AK3: variants seen among roughly 807,000 people sequenced by gnomAD.
The protein encoded by AK3 is GTP:AMP phosphotransferase AK3, mitochondrial.
Under a neutral mutation model 23.7 loss-of-function variants are expected in AK3, and 27 were observed. The observed-to-expected ratio is 1.14, with a 90% CI of 0.84 to 1.57. AK3 has a LOEUF of 1.57. Ranked by LOEUF, AK3 falls within the 40% of genes most tolerant of loss-of-function variation. The probability of loss-of-function intolerance (pLI) is 0.00; values close to 1 mark genes in which losing one functional copy is unlikely to be tolerated. For missense variants in AK3, 406 were observed against 285.6 expected, an observed-to-expected ratio of 1.42 and a Z score of -3.04; for synonymous variants, 159 against 116.0, an observed-to-expected ratio of 1.37 and a Z score of -2.38.
chr9:4,738,622 G>A (rs987170530), intron 1 of AK3, among the ~76,000 whole-genome samples: 3 of 147,416 alleles, frequency 2.0e-5, no homozygotes, highest in Non-Finnish European at 4.5e-5. Context: ...GAAAAAAAAA[G>A]AATAAAAGAA....
intron 4 of AK3, 117 bp from the exon 5 acceptor site, chr9:4,713,213 G>T (rs296827): frequency 0.1 from 139,529 of 1,343,408 alleles, 7,791 homozygotes; most frequent in African/African-American, 0.2. Context: ...GGTAAGTATA[G>T]ATTTGTGTAA....
chr9:4,740,852 A>T (rs1234193642), intron 1 of AK3, 85 bp downstream of exon 1: 4 of 1,337,196 alleles, frequency 3.0e-6, no homozygotes, highest in Non-Finnish European at 3.9e-6. Flanking sequence ...GCAGCCAGGG[A>T]CCCGCGTGCC....
intron 1 of AK3, among the ~76,000 whole-genome samples, chr9:4,730,490 C>T (rs1342150931): frequency 2.0e-5 from 3 of 152,136 alleles, no homozygotes; most frequent in Non-Finnish European, 4.4e-5. Flanking sequence ...GTGGTCCCAG[C>T]TATTCAGGAA....
intron 4 of AK3, 24 bp from the exon 5 acceptor site, chr9:4,713,120 C>G: frequency 6.2e-7 from 1 of 1,611,682 alleles, no homozygotes; most frequent in South Asian, 1.1e-5. Context: ...AAAAACAAAA[C>G]AAACACACAC....
intron 1 of AK3, among the ~76,000 whole-genome samples, chr9:4,739,233 C>T (rs1259178769): frequency 6.6e-6 from 1 of 151,876 alleles, no homozygotes; most frequent in Admixed American, 6.6e-5. Flanking sequence ...GGGTCTTGCT[C>T]AGGCTGGAGT....
intron 1 of AK3, among the ~76,000 whole-genome samples, chr9:4,733,704 C>T (rs1206039314): frequency 1.3e-5 from 2 of 152,172 alleles, no homozygotes; most frequent in Admixed American, 1.3e-4. Flanking sequence ...TTGACAATTA[C>T]ATAAATGCCC....
chr9:4,740,187 T>G (rs575029827), intron 1 of AK3, among the ~76,000 whole-genome samples: 1 of 152,254 alleles, frequency 6.6e-6, no homozygotes, highest in South Asian at 2.1e-4. Context: ...CAACATTTTT[T>G]GAGAAAAAAA....
At position 4,741,022 on chromosome 9, in the gene AK3, G is replaced by A. The variant is rs531405820; in HGVS notation, c.66C>T (p.Thr22=). The A allele has an allele frequency of 2.5e-6, 4 of 1,589,300 alleles. No individual in the cohort carries two copies. In the South Asian group the frequency reaches 3.4e-5, roughly 14 times the overall value. Reference sequence around the variant, plus strand: ...AGTGTGTAGTGATGCGCGACGACACGGTGCCCTTGCCCGAGCCCGGGGCCC... The same window carrying A: ...AGTGTGTAGTGATGCGCGACGACACAGTGCCCTTGCCCGAGCCCGGGGCCC... ...IMGAPGSGKG[T]VSSRITTHFE... The change falls in exon 1 of 5, where the codon ACC becomes ACT. Residue 22 remains threonine, a synonymous_variant. Transcript: ENST00000381809.
intron 1 of AK3, among the ~76,000 whole-genome samples, chr9:4,731,930 A>C (rs1392038512): frequency 6.6e-6 from 1 of 152,148 alleles, no homozygotes; most frequent in Non-Finnish European, 1.5e-5. Context: ...TTTAACAAAC[A>C]GTAAATCTAT....
chr9:4,720,652 T>G (rs1255584838), intron 2 of AK3, among the ~76,000 whole-genome samples: 1 of 149,056 alleles, frequency 6.7e-6, no homozygotes, highest in African/African-American at 2.5e-5. Context: ...ATGACTCCAT[T>G]GCACTGCAGC....
Position 4,711,028 on chromosome 9 carries a change from G to A in AK3, c.*1948C>T, listed in dbSNP as rs929123588. ...GAGGGAATGGTCACAGGAAATAAGA[G>A]TCTTAATTCTCATAGCCATGTTCTT... On this transcript the variant is annotated 3_prime_UTR_variant, in exon 5 of 5. Coordinates refer to ENST00000381809, the MANE Select transcript of AK3 (RefSeq NM_016282.4). The A allele has an allele frequency of 1.3e-5, 2 of 152,222 alleles. No individual in the cohort carries two copies. The highest frequency in any genetic ancestry group is 6.5e-5 in the Admixed American group (1 of 15,284). 9.4% of individuals were successfully genotyped at this position (152,222 alleles called of 1,614,324 possible).
Position 4,711,904 on chromosome 9 carries a change from A to G in AK3, c.*1072T>C, listed in dbSNP as rs886112417. 6.6e-6 allele frequency: 1 copy of G among 152,198 alleles called. No homozygotes were observed. The highest frequency in any genetic ancestry group is 1.5e-5 in the Non-Finnish European group (1 of 68,022). 9.4% of individuals were successfully genotyped at this position (152,198 alleles called of 1,614,324 possible). ...TCACTTTCCTGGTCCTTGTTAACCT[A>G]TCATGTAAATTCTTTTTATTGGTAC... On this transcript the variant is annotated 3_prime_UTR_variant, in exon 5 of 5. Coordinates refer to ENST00000381809, the MANE Select transcript of AK3 (RefSeq NM_016282.4).
chr9:4,732,377 T>C (rs963036124), intron 1 of AK3, among the ~76,000 whole-genome samples: 5 of 152,200 alleles, frequency 3.3e-5, no homozygotes, highest in Admixed American at 6.5e-5. Context: ...TGGTCAACAG[T>C]AGGCTATTTA....
rs1227707103 is a variant in AK3, at chr9:4,712,559, T to C, written c.*417A>G. 6.5e-6 allele frequency: 1 copy of C among 153,184 alleles called. No homozygotes were observed. The highest frequency in any genetic ancestry group is 1.5e-5 in the Non-Finnish European group (1 of 68,718). The allele number at this position is 153,184 out of a possible 1,614,324, so 9.5% of individuals were successfully genotyped here. ...TTCCACAATGCTGGAAATGTCTTTT[T>C]TGGCATCAATCTATGCACAAATTTC... On this transcript the variant is annotated 3_prime_UTR_variant, in exon 5 of 5. Transcript: ENST00000381809.
chr9:4,737,519 G>A (rs1842324650), intron 1 of AK3, among the ~76,000 whole-genome samples: 2 of 152,110 alleles, frequency 1.3e-5, no homozygotes, highest in Non-Finnish European at 2.9e-5. Flanking sequence ...TCAGGAGTTC[G>A]AGACCAGCCT....
intron 4 of AK3, among the ~76,000 whole-genome samples, chr9:4,716,563 G>A (rs1346840771): frequency 6.6e-6 from 1 of 152,154 alleles, no homozygotes; most frequent in East Asian, 1.9e-4. Context: ...TTAAACAAAT[G>A]ACAAAATTAT....
At position 4,740,868 on chromosome 9, in the gene AK3, T is replaced by C. The variant is rs1842412993; in HGVS notation, c.151+69A>G. 4 of 1,394,574 alleles carry C rather than the reference T, an allele frequency of 2.9e-6. No homozygotes were observed. In the African/African-American group the frequency reaches 5.9e-5, roughly 21 times the overall value. The allele number at this position is 1,394,574 out of a possible 1,614,324, so 86.4% of individuals were successfully genotyped here. A position where few individuals can be genotyped will look rare whatever the true frequency, so the allele number is the denominator to read the frequency against. ...CAGCCAGGGACCCGCGTGCCCAGCTTCGGCCCCTCGCCCGCGAAGTCCGAC... is the reference window on the plus strand; with the variant it reads ...CAGCCAGGGACCCGCGTGCCCAGCTCCGGCCCCTCGCCCGCGAAGTCCGAC... On this transcript the variant is annotated intron_variant, in intron 1 of 4. Coordinates refer to ENST00000381809, the MANE Select transcript of AK3 (RefSeq NM_016282.4).
rs71326127 is a variant in AK3, at chr9:4,729,015, A to ATATTTTTTT, written c.152-6391_152-6390insAAAAAAATA. Among the ~76,000 whole-genome samples the ATATTTTTTT allele has an allele frequency of 4.8e-4, 62 of 129,428 alleles. 1 individual carries two copies. Among genetic ancestry groups the ATATTTTTTT allele is most frequent in the African/African-American group, 1.7e-3 (59 of 34,016 alleles). The allele number at this position is 129,428 out of a possible 152,430, so 84.9% of individuals were successfully genotyped here. A position where few individuals can be genotyped will look rare whatever the true frequency, so the allele number is the denominator to read the frequency against. Reference sequence around the variant, plus strand: ...CACACACACATATATATATATATATATTTTTTTTTTTTGAGACGGAATTTT... The same window carrying ATATTTTTTT: ...CACACACACATATATATATATATATATATTTTTTTTTTTTTTTTTTTGAGACGGAATTTT... On this transcript the variant is annotated intron_variant, in intron 1 of 4. Transcript: ENST00000381809.
chr9:4,729,016 T>TATA (rs1554627058), intron 1 of AK3, among the ~76,000 whole-genome samples: 7 of 57,266 alleles, frequency 1.2e-4, no homozygotes, highest in African/African-American at 3.5e-4. Flanking sequence ...TATATATATA[T>TATA]TTTTTTTTTT....
Sources: allele counts gnomAD v4.1 joint callset (sites outside exome capture counted in the v4.1 genomes callset), GRCh38; gene constraint gnomAD v4.1.1; transcripts MANE v1.5; gene names NCBI Gene and HGNC (gene_info 2026-07-23, HGNC 2026-07-21).